Variants in AOPEP observed in about 807,000 individuals in gnomAD.
AOPEP encodes aminopeptidase O.
A neutral mutation model predicts 98.1 loss-of-function variants in AOPEP; 77 were observed. The ratio of observed to expected loss-of-function variants is 0.78; its 90% CI spans 0.65 to 0.95. The LOEUF is 0.95. AOPEP is among the 40% of genes least tolerant of loss of function. The pLI is 0.00. For missense variants in AOPEP, 1,024 were observed against 1,024.7 expected (o/e 1.00, Z 0.01); for synonymous variants, 346 against 365.3 (o/e 0.95, Z 0.60).
At chr9:94,987,439 C>T (rs1355585210) in intron 11 of AOPEP, among the ~76,000 whole-genome samples, 3 of 152,224 alleles carry the variant, frequency 2.0e-5, no homozygotes, top group African/African-American at 7.2e-5. Context: ...TGAACAGCAT[C>T]AGGCAGAGTC....
chr9:94,940,434 C>T (rs894405379), intron 7 of AOPEP, among the ~76,000 whole-genome samples: 11 of 151,980 alleles, frequency 7.2e-5, no homozygotes, highest in Non-Finnish European at 1.5e-4. Context: ...GGTGAAACCC[C>T]ATCTCCACTA....
chr9:95,085,826 G>T, intron 16 of AOPEP: 1 of 1,038,726 alleles, frequency 9.6e-7, no homozygotes, highest in Non-Finnish European at 1.2e-6. Context: ...CACCTAAGTC[G>T]TGTGAAATCA....
intron 2 of AOPEP, among the ~76,000 whole-genome samples, chr9:94,765,478 T>TAATAATAATAAG (rs1211958270): frequency 4.1e-5 from 6 of 147,380 alleles, no homozygotes; most frequent in East Asian, 2.0e-4. Flanking sequence ...ATAATAATAA[T>TAATAATAATAAG]AAGTCACAGC....
At chr9:95,125,164 ATC>A in the AOPEP span, 2 of 1,614,096 alleles carry the variant, frequency 1.2e-6, no homozygotes, top group Admixed American at 3.3e-5. Flanking sequence ...CCAGGGCCCC[ATC>A]GGTTTCCAGG....
chr9:95,031,654 A>G (rs1453604065), intron 13 of AOPEP, among the ~76,000 whole-genome samples: 1 of 152,214 alleles, frequency 6.6e-6, no homozygotes, highest in Non-Finnish European at 1.5e-5. Context: ...CACGTAACTG[A>G]TGAATTGCTA....
chr9:94,794,378 G>A (rs1425801434), intron 4 of AOPEP, among the ~76,000 whole-genome samples: 1 of 152,194 alleles, frequency 6.6e-6, no homozygotes, highest in Admixed American at 6.5e-5. Flanking sequence ...CAGGGTAATG[G>A]TAGAGATGAT....
At chr9:94,810,304 A>G (rs1049355998) in intron 5 of AOPEP, among the ~76,000 whole-genome samples, 2 of 150,962 alleles carry the variant, frequency 1.3e-5, no homozygotes, top group Admixed American at 6.6e-5. Flanking sequence ...CATTTGATTT[A>G]ATCAGGGTTT....
chr9:94,952,512 ACT>A (rs2058172769), intron 7 of AOPEP, among the ~76,000 whole-genome samples: 1 of 152,080 alleles, frequency 6.6e-6, no homozygotes, highest in Non-Finnish European at 1.5e-5. Context: ...ATTGACATGG[ACT>A]TGTACATGTG....
intron 11 of AOPEP, among the ~76,000 whole-genome samples, chr9:94,985,737 G>A (rs1389458026): frequency 6.6e-6 from 1 of 152,142 alleles, no homozygotes; most frequent in Non-Finnish European, 1.5e-5. Flanking sequence ...TAATAATTTT[G>A]CTGTCATTTT....
At chr9:94,863,320 A>G (rs1460286889) in intron 5 of AOPEP, among the ~76,000 whole-genome samples, 98 of 124,606 alleles carry the variant, frequency 7.9e-4, no homozygotes, top group Non-Finnish European at 2.5e-4. Context: ...TCGCTCTGTC[A>G]CCCAGGCTGG....
At position 94,957,347 on chromosome 9, in the gene AOPEP, A is replaced by G. The variant is rs575989150; in HGVS notation, c.1872+1332A>G. Reference sequence around the variant, plus strand: ...CTCAGCCTCCCGAGTAGCTGGGATTACAGGCGCTTGCCACGACACCCTGCT... The same window carrying G: ...CTCAGCCTCCCGAGTAGCTGGGATTGCAGGCGCTTGCCACGACACCCTGCT... On this transcript the variant is annotated intron_variant, in intron 9 of 16. Transcript: ENST00000375315. Among the ~76,000 whole-genome samples the G allele has an allele frequency of 6.3e-3, 957 of 152,282 alleles. 16 individuals are homozygous for G. Among genetic ancestry groups the G allele is most frequent in the African/African-American group, 0.022 (917 of 41,556 alleles).
Position 94,760,632 on chromosome 9 carries a change from C to A in AOPEP, c.797+52C>A, listed in dbSNP as rs761340510. ...CTGTGCCTGTTAATCTTGTACGCTG[C>A]GGGGATGCTTTCAAACATGAGACCG... On this transcript the variant is annotated intron_variant, in intron 2 of 16. Transcript: ENST00000375315. 12 of 1,413,092 alleles carry A rather than the reference C, an allele frequency of 8.5e-6. No individual in the cohort carries two copies. The African/African-American group carries it at 1.6e-4, about 19-fold the overall frequency. The allele number at this position is 1,413,092 out of a possible 1,614,324, so 87.5% of individuals were successfully genotyped here.
intron 4 of AOPEP, among the ~76,000 whole-genome samples, chr9:94,797,851 C>T (rs140954747): frequency 0.016 from 2,436 of 151,934 alleles, 69 homozygotes; most frequent in African/African-American, 0.056. Flanking sequence ...TACAGGCATG[C>T]ACCACCACAC....
chr9:95,133,926 T>C, the AOPEP span, among the ~76,000 whole-genome samples: 3 of 152,240 alleles, frequency 2.0e-5, no homozygotes, highest in Non-Finnish European at 4.4e-5. Context: ...TAAAATAAGG[T>C]GCATTCCTAT....
intron 5 of AOPEP, among the ~76,000 whole-genome samples, chr9:94,828,551 CAT>C: frequency 6.6e-6 from 1 of 152,246 alleles, no homozygotes; most frequent in South Asian, 2.1e-4. Context: ...TCATCAGTGT[CAT>C]AGTGTCTCAG....
intron 13 of AOPEP, among the ~76,000 whole-genome samples, chr9:95,007,396 GGA>G (rs1273881479): frequency 6.7e-6 from 1 of 149,454 alleles, no homozygotes; most frequent in Non-Finnish European, 1.5e-5. Context: ...AGTGGGGGGG[GGA>G]CTGATTATTT....
In AOPEP at chr9:94,974,551, G is replaced by A. The variant is rs72750348; in HGVS notation, c.1917-4816G>A. Among the ~76,000 whole-genome samples, 800 of 152,304 alleles carry A rather than the reference G, an allele frequency of 5.3e-3. 14 individuals carry two copies. The highest frequency in any genetic ancestry group is 0.043 in the East Asian group (223 of 5,180). On this transcript the variant is annotated intron_variant, in intron 10 of 16. Transcript: ENST00000375315. ...TTGCCTCTGGATGCAGCTCACTGAC[G>A]AGCTCTCCTGCTCCCACACTTTTGC...
chr9:95,076,671 T>G lies in AOPEP; in HGVS notation c.2233-4023T>G, dbSNP rs531590583. On this transcript the variant is annotated intron_variant, in intron 14 of 16. Transcript: ENST00000375315. The stretch of plus-strand genomic sequence containing the variant: ...TGTTAGGAGGAAAAGGAAAAATACA[T>G]TGTGTGTGTGTAAAACACACTGGCC... 1.8e-4 allele frequency among the ~76,000 whole-genome samples: 27 copies of G among 152,320 alleles called. No homozygotes were observed. In the East Asian group the frequency reaches 5.0e-3, roughly 28 times the overall value.
chr9:95,141,858 G>A, the AOPEP span, among the ~76,000 whole-genome samples: 2 of 152,006 alleles, frequency 1.3e-5, no homozygotes, highest in African/African-American at 4.8e-5. Context: ...GCTTACATCT[G>A]GTTTTAGTTC....
Sources: gnomAD v4.1 joint callset for allele counts (sites outside exome capture counted in the v4.1 genomes callset) on GRCh38, gnomAD v4.1.1 for gene constraint, MANE v1.5 for transcripts, NCBI Gene and HGNC (gene_info 2026-07-23, HGNC 2026-07-21) for gene names.